RBBP8: variants seen among roughly 807,000 people sequenced by gnomAD.
RBBP8 encodes the protein RB binding protein 8, endonuclease.
A neutral mutation model predicts 108.3 loss-of-function variants in RBBP8; 88 were observed. That is an observed-to-expected ratio of 0.81 (90% CI 0.68 to 0.97). The LOEUF (loss-of-function observed/expected upper bound fraction) is 0.97. Ranked by LOEUF, RBBP8 falls within the 50% of genes least tolerant of loss-of-function variation. RBBP8 has a pLI of 0.00. For synonymous variants in RBBP8, 332 were observed against 348.2 expected, an observed-to-expected ratio of 0.95 and a Z score of 0.52; for missense variants, 1,023 against 1,049.0, an observed-to-expected ratio of 0.98 and a Z score of 0.34.
intron 15 of RBBP8, chr18:23,004,950 C>T (rs1206633639): frequency 6.6e-6 from 1 of 152,614 alleles, no homozygotes; most frequent in African/African-American, 2.4e-5. Flanking sequence ...ATCACAAAGT[C>T]AGGAGATCGA....
At chr18:22,943,997 A>G (rs996542522) in intron 2 of RBBP8, among the ~76,000 whole-genome samples, 1 of 152,182 alleles carries the variant, frequency 6.6e-6, no homozygotes, top group Non-Finnish European at 1.5e-5. Context: ...TGTTTCCTCA[A>G]TAGGTATCTT....
chr18:23,004,923 G>A (rs1009328278), intron 15 of RBBP8: 1 of 152,622 alleles, frequency 6.6e-6, no homozygotes, highest in South Asian at 2.1e-4. Context: ...AACACTTTGG[G>A]AGGCCGAGGC....
intron 4 of RBBP8, among the ~76,000 whole-genome samples, chr18:22,965,724 C>T (rs529111198): frequency 2.0e-5 from 3 of 149,388 alleles, no homozygotes; most frequent in African/African-American, 5.2e-5. Context: ...AGAGAATGTT[C>T]GTATAATAAT....
upstream of RBBP8, among the ~76,000 whole-genome samples, chr18:22,932,979 T>A (rs1385350731): frequency 6.6e-6 from 1 of 152,230 alleles, no homozygotes; most frequent in African/African-American, 2.4e-5. Context: ...TCCGCGTCCA[T>A]ACCCCCCATC....
intron 10 of RBBP8, among the ~76,000 whole-genome samples, chr18:22,992,415 C>T (rs1425339627): frequency 2.0e-5 from 3 of 152,116 alleles, no homozygotes; most frequent in Non-Finnish European, 2.9e-5. Context: ...AGGCTGGCCT[C>T]GAACTTCTGG....
At chr18:22,940,615 C>T (rs1045190258) in intron 2 of RBBP8, among the ~76,000 whole-genome samples, 3 of 152,004 alleles carry the variant, frequency 2.0e-5, no homozygotes, top group Admixed American at 1.3e-4. Flanking sequence ...CCACTGCGCC[C>T]GGTCTATATT....
chr18:22,978,511 T>G (rs950453291), intron 6 of RBBP8, among the ~76,000 whole-genome samples: 6 of 147,544 alleles, frequency 4.1e-5, no homozygotes, highest in African/African-American at 1.3e-4. Flanking sequence ...GTTTTGTTTG[T>G]TTTTTTGTTT....
intron 8 of RBBP8, among the ~76,000 whole-genome samples, chr18:22,987,390 C>T (rs768787411): frequency 7.9e-5 from 12 of 152,168 alleles, no homozygotes; most frequent in Non-Finnish European, 1.6e-4. Flanking sequence ...TGACTGTAAA[C>T]GTCGTCAGTG....
chr18:23,017,021 T>C (rs1039863697), intron 17 of RBBP8, 97 bp downstream of exon 17: 5 of 954,966 alleles, frequency 5.2e-6, no homozygotes, highest in Non-Finnish European at 8.2e-6. Flanking sequence ...ATATTGGTTA[T>C]AGAAACCTCT....
Position 22,993,014 on chromosome 18 carries a change from A to C in RBBP8, c.1187A>C (p.Lys396Thr). 1.2e-6 allele frequency: 2 copies of C among 1,613,704 alleles called. No individual in the cohort carries two copies. The highest frequency in any genetic ancestry group is 1.7e-6 in the Non-Finnish European group (2 of 1,179,646). ...THHSLGSEVN[K>T]IIIQSSNKQI... Reference sequence around the variant, plus strand: ...CACAGTCTTGGGTCTGAAGTGAACAAGATCATTATCCAGTCATCTAATAAA... The same window carrying C: ...CACAGTCTTGGGTCTGAAGTGAACACGATCATTATCCAGTCATCTAATAAA... Residue 396 changes from lysine (K) to threonine (T), a missense_variant, in exon 11 of 19, where the codon AAG becomes ACG. Transcript: ENST00000327155.
rs796482657 is a variant in RBBP8 at position 22,966,742 on chromosome 18, GGAGA to G, written c.249-2056_249-2053del. On this transcript the variant is annotated intron_variant, in intron 4 of 18. Coordinates refer to ENST00000327155, the MANE Select transcript of RBBP8 (RefSeq NM_002894.3). ...ATCTTTTTTTTTTTTTTTTTTTTTTGGAGAGAGAGAGTCTTACTCTGTCACCCAG... is the reference window on the plus strand; with the variant it reads ...ATCTTTTTTTTTTTTTTTTTTTTTTGGAGAGAGTCTTACTCTGTCACCCAG... Among the ~76,000 whole-genome samples the G allele has an allele frequency of 2.2e-3, 86 of 38,618 alleles. 1 individual carries two copies. In the South Asian group the frequency reaches 0.068, roughly 31 times the overall value. 25.3% of individuals were successfully genotyped at this position (38,618 alleles called of 152,430 possible). A position where few individuals can be genotyped will look rare whatever the true frequency, so the allele number is the denominator to read the frequency against.
At chr18:22,940,723 C>T (rs1389007817) in intron 2 of RBBP8, among the ~76,000 whole-genome samples, 1 of 151,810 alleles carries the variant, frequency 6.6e-6, no homozygotes, top group Non-Finnish European at 1.5e-5. Flanking sequence ...CATGGTTCGC[C>T]GTAGCCTCAA....
intron 4 of RBBP8, among the ~76,000 whole-genome samples, chr18:22,959,680 C>T (rs1912898275): frequency 6.6e-6 from 1 of 151,482 alleles, no homozygotes; most frequent in African/African-American, 2.4e-5. Flanking sequence ...ACGTAATATC[C>T]AAGAACTTTT....
At position 23,022,602 on chromosome 18, in the gene RBBP8, A is replaced by AAAAATAAAATAAAATAAAATAAATAAAAT. The variant is rs1555649976; in HGVS notation, c.2596+355_2596+356insTAAAATAAAATAAAATAAAATAAAATAAA. ...GGGCGACAGAACAAGACTCTGTCTCAAAAATAAAATAAAATAAAATAAAAT... is the reference window on the plus strand; with the variant it reads ...GGGCGACAGAACAAGACTCTGTCTCAAAAATAAAATAAAATAAAATAAATAAAATAAAATAAAATAAAATAAAATAAAAT... On this transcript the variant is annotated intron_variant, in intron 18 of 18. Transcript: ENST00000327155. Among the ~76,000 whole-genome samples, 412 of 92,350 alleles carry AAAAATAAAATAAAATAAAATAAATAAAAT rather than the reference A, an allele frequency of 4.5e-3. 116 individuals are homozygous for AAAAATAAAATAAAATAAAATAAATAAAAT. Among genetic ancestry groups the AAAAATAAAATAAAATAAAATAAATAAAAT allele is most frequent in the South Asian group, 0.013 (35 of 2,754 alleles). The allele number at this position is 92,350 out of a possible 152,430, so 60.6% of individuals were successfully genotyped here.
chr18:22,939,190 A>G (rs1199046177), intron 2 of RBBP8, among the ~76,000 whole-genome samples: 3 of 152,148 alleles, frequency 2.0e-5, no homozygotes, highest in Non-Finnish European at 1.5e-5. Context: ...TCTAAAGTGT[A>G]GTATGTGAGT....
chr18:22,932,111 C>A (rs1260860403), upstream of RBBP8, among the ~76,000 whole-genome samples: 1 of 152,110 alleles, frequency 6.6e-6, no homozygotes, highest in African/African-American at 2.4e-5. Flanking sequence ...AAGGATGACT[C>A]TTTGGTTTCT....
At chr18:22,993,877 T>C in intron 12 of RBBP8, 30 bp downstream of exon 12, 1 of 1,600,238 alleles carries the variant, frequency 6.2e-7, no homozygotes, top group Admixed American at 1.7e-5. Flanking sequence ...GATCTCCACT[T>C]TTTTAATGAC....
At chr18:23,001,453 T>C (rs183995214) in intron 14 of RBBP8, 133 bp from the exon 15 acceptor site, 1 of 1,024,986 alleles carries the variant, frequency 9.8e-7, no homozygotes, top group African/African-American at 1.6e-5. Context: ...ATCCATATTT[T>C]AACAACCGTA....
chr18:22,955,664 G>A (rs182203896), intron 4 of RBBP8, among the ~76,000 whole-genome samples: 138 of 149,950 alleles, frequency 9.2e-4, no homozygotes, highest in Middle Eastern at 6.8e-3. Flanking sequence ...TGCAAGCTCC[G>A]CCTGCCAGGT....
Sources: gnomAD v4.1 joint callset for allele counts (sites outside exome capture counted in the v4.1 genomes callset) on GRCh38, gnomAD v4.1.1 for gene constraint, MANE v1.5 for transcripts, NCBI Gene and HGNC (gene_info 2026-07-23, HGNC 2026-07-21) for gene names.